FUCA1: variants seen among roughly 807,000 people sequenced by gnomAD.
FUCA1 encodes alpha-L-fucosidase 1.
FUCA1 carries 52 observed loss-of-function variants against 56.8 expected under a neutral mutation model. The observed-to-expected ratio is 0.92, with a 90% confidence interval of 0.73 to 1.15. FUCA1 has a LOEUF of 1.15. Among genes scored for constraint, FUCA1 ranks in the 50% most tolerant of loss-of-function variants. FUCA1 has a pLI of 0.00. For missense variants in FUCA1, 568 were observed against 592.6 expected (o/e 0.96, Z 0.43); for synonymous variants, 230 against 226.6 (o/e 1.02, Z -0.14).
Position 23,863,291 on chromosome 1 carries a change from C to T in FUCA1, c.525-20G>A, listed in dbSNP as rs180788085. On this transcript the variant is annotated intron_variant, in intron 2 of 7. Coordinates refer to ENST00000374479, the MANE Select transcript of FUCA1 (RefSeq NM_000147.5). ...ATGTTCCTTAAACAGAAAAACAGAA[C>T]AGCAACTGTCATTAAGCATAGAACA... The T allele has an allele frequency of 1.9e-5, 30 of 1,610,024 alleles. No homozygotes were observed. Among genetic ancestry groups the T allele is most frequent in the Middle Eastern group, 1.7e-4 (1 of 5,766 alleles).
At chr1:23,866,761 CA>C (rs930926986) in intron 1 of FUCA1, among the ~76,000 whole-genome samples, 1 of 152,166 alleles carries the variant, frequency 6.6e-6, no homozygotes, top group Non-Finnish European at 1.5e-5. Context: ...GAGTCTAGGA[CA>C]TTATATTCCT....
At chr1:23,850,769 A>T (rs898871200) in intron 5 of FUCA1, among the ~76,000 whole-genome samples, 2 of 152,152 alleles carry the variant, frequency 1.3e-5, no homozygotes, top group Non-Finnish European at 2.9e-5. Flanking sequence ...TACAGGTGTC[A>T]GCCACCGTGC....
intron 1 of FUCA1, 121 bp from the exon 2 acceptor site, chr1:23,865,746 C>G: frequency 9.1e-7 from 1 of 1,096,348 alleles, no homozygotes; most frequent in East Asian, 2.4e-5. Flanking sequence ...TGTACTTGTA[C>G]CAGTGACTAT....
chr1:23,850,708 G>A lies in FUCA1; in HGVS notation c.970-1869C>T, dbSNP rs370837212. Among the ~76,000 whole-genome samples the A allele has an allele frequency of 2.0e-5, 3 of 152,042 alleles. No individual in the cohort carries two copies. In the East Asian group the frequency reaches 5.8e-4, roughly 29 times the overall value. On this transcript the variant is annotated intron_variant, in intron 5 of 7. Transcript: ENST00000374479. ...TCACCACATTGGCCAGGATGGTCTC[G>A]AATTCCTGACTTTGTGATCCACCCT...
chr1:23,861,994 T>G (rs1376103784), intron 3 of FUCA1, among the ~76,000 whole-genome samples: 5 of 152,196 alleles, frequency 3.3e-5, no homozygotes, highest in African/African-American at 1.2e-4. Context: ...ATTTCACAGA[T>G]AGAGAAACCA....
chr1:23,867,180 C>G lies in FUCA1; in HGVS notation c.389+718G>C, dbSNP rs1388107588. Among the ~76,000 whole-genome samples the G allele has an allele frequency of 6.6e-6, 1 of 152,184 alleles. No individual in the cohort carries two copies. The highest frequency in any genetic ancestry group is 1.5e-5 in the Non-Finnish European group (1 of 68,028). ...CTCCCTGACTTAACATCTGTCAATA[C>G]AGGGCTCTCAAGGCTCACTCCTTCA... is the stretch of plus-strand genomic sequence containing the variant. On this transcript the variant is annotated intron_variant, in intron 1 of 7. Coordinates refer to ENST00000374479, the MANE Select transcript of FUCA1 (RefSeq NM_000147.5). This position sits in a 1 kb window ranked among gnomAD's most constrained non-coding sequence, Gnocchi z 4.9.
In FUCA1 at chr1:23,845,529, G is replaced by A. The variant is rs1314617411; in HGVS notation, c.*186C>T. The A allele has an allele frequency of 7.5e-6, 5 of 668,898 alleles. No individual in the cohort carries two copies. The highest frequency in any genetic ancestry group is 1.3e-5 in the Non-Finnish European group (5 of 381,644). 41.4% of individuals were successfully genotyped at this position (668,898 alleles called of 1,614,324 possible). On this transcript the variant is annotated 3_prime_UTR_variant, in exon 8 of 8. Transcript: ENST00000374479. Reference sequence around the variant, plus strand: ...GACCTGATACAGATATAATCACAATGGATCTCAGATCTTTGGTCCATTTAG... The same window carrying A: ...GACCTGATACAGATATAATCACAATAGATCTCAGATCTTTGGTCCATTTAG...
intron 5 of FUCA1, among the ~76,000 whole-genome samples, chr1:23,852,666 CG>C (rs1162111404): frequency 1.3e-5 from 2 of 152,048 alleles, no homozygotes; most frequent in Non-Finnish European, 2.9e-5. Flanking sequence ...TTGGTGGAGA[CG>C]GGGTTTCGCT....
intron 4 of FUCA1, among the ~76,000 whole-genome samples, chr1:23,857,428 CAGAGT>C (rs1639414803): frequency 1.3e-5 from 2 of 152,202 alleles, no homozygotes; most frequent in Non-Finnish European, 2.9e-5. Context: ...GACATCACAT[CAGAGT>C]TCATTACCTA....
Position 23,845,625 on chromosome 1 carries a change from A to G in FUCA1, c.*90T>C. On this transcript the variant is annotated 3_prime_UTR_variant, in exon 8 of 8. Transcript: ENST00000374479. ...AAAGCCATCTCTGGGTGGAGAAGAG[A>G]AGTTCGTTGATTATAGTGATGGTAC... 1 of 1,487,600 alleles carries G rather than the reference A, an allele frequency of 6.7e-7. No homozygotes were observed. Among genetic ancestry groups the G allele is most frequent in the Non-Finnish European group, 9.4e-7 (1 of 1,065,590 alleles). The allele number at this position is 1,487,600 out of a possible 1,614,324, so 92.2% of individuals were successfully genotyped here. A position where few individuals can be genotyped will look rare whatever the true frequency, so the allele number is the denominator to read the frequency against.
At chr1:23,864,547 A>G (rs1639582673) in intron 2 of FUCA1, among the ~76,000 whole-genome samples, 1 of 152,198 alleles carries the variant, frequency 6.6e-6, no homozygotes, top group African/African-American at 2.4e-5. Context: ...ATTTCATCAT[A>G]TGACCCAGGG....
Position 23,862,292 on chromosome 1 carries a change from A to T in FUCA1, c.662+842T>A. ...GAGATTCTCCTGCCTCAGCCTCCCG[A>T]GTAGCTGGGACTACAGGTATGCACC... On this transcript the variant is annotated intron_variant, in intron 3 of 7. Transcript: ENST00000374479. 1.3e-5 allele frequency among the ~76,000 whole-genome samples: 2 copies of T among 152,180 alleles called. 1 individual carries two copies. The highest frequency in any genetic ancestry group is 3.8e-4 in the East Asian group (2 of 5,196).
chr1:23,866,001 G>A (rs1639616758), intron 1 of FUCA1, among the ~76,000 whole-genome samples: 1 of 152,166 alleles, frequency 6.6e-6, no homozygotes, highest in Non-Finnish European at 1.5e-5. Context: ...ACTGGAAATG[G>A]CAGATAATAG....
intron 2 of FUCA1, 149 bp downstream of exon 2, chr1:23,865,342 C>T: frequency 1.0e-6 from 1 of 997,190 alleles, no homozygotes; most frequent in Non-Finnish European, 1.6e-6. Flanking sequence ...TATATGCAAA[C>T]CTAGAAAACA....
chr1:23,863,764 A>G (rs547942088), intron 2 of FUCA1, among the ~76,000 whole-genome samples: 1 of 152,262 alleles, frequency 6.6e-6, no homozygotes, highest in Non-Finnish European at 1.5e-5. Context: ...AAGTGGGAGG[A>G]TGGCTTGAGC....
At chr1:23,856,267 G>GC (rs1329951597) in intron 4 of FUCA1, among the ~76,000 whole-genome samples, 2 of 152,106 alleles carry the variant, frequency 1.3e-5, no homozygotes, top group African/African-American at 2.4e-5. Flanking sequence ...GTGTCTCCTT[G>GC]CCACACCTCC....
chr1:23,849,071 C>T (rs527651869), intron 5 of FUCA1, among the ~76,000 whole-genome samples: 10 of 152,038 alleles, frequency 6.6e-5, no homozygotes, highest in Non-Finnish European at 8.8e-5. Flanking sequence ...GCAACCTCCA[C>T]CTCCCTGTTC....
At chr1:23,856,827 C>T (rs925448776) in intron 4 of FUCA1, among the ~76,000 whole-genome samples, 3 of 151,864 alleles carry the variant, frequency 2.0e-5, no homozygotes, top group African/African-American at 4.8e-5. Context: ...CCCGTCTCTA[C>T]TAAAAATACA....
rs748760925 is a variant in FUCA1 at position 23,867,939 on chromosome 1, G to A, written c.348C>T (p.His116=). Residue 116 remains histidine (H), a synonymous_variant, in exon 1 of 8, where the codon CAC becomes CAT. Transcript: ENST00000374479. The surrounding 1 kb of genome is among the most constrained non-coding windows in gnomAD (Gnocchi z 4.9). The stretch of plus-strand genomic sequence containing the variant: ...GGAAGAGGTCGGCCCACTCCTCCGG[G>A]TGGAAGAAGCGCGCAGTGAACTGCG... ...FGPQFTARFF[H]PEEWADLFQA... 1 of 1,566,328 alleles carries A rather than the reference G, an allele frequency of 6.4e-7. No individual in the cohort carries two copies. The highest frequency in any genetic ancestry group is 1.2e-5 in the South Asian group (1 of 85,608).
Sources: allele counts gnomAD v4.1 joint callset (sites outside exome capture counted in the v4.1 genomes callset), GRCh38; gene constraint gnomAD v4.1.1; non-coding constraint Gnocchi (gnomAD v3.1); transcripts MANE v1.5; gene names NCBI Gene and HGNC (gene_info 2026-07-23, HGNC 2026-07-21).